The following PARP11 variants were observed in gnomAD, a reference collection of about 807,000 sequenced individuals.
The protein encoded by PARP11 is poly(ADP-ribose) polymerase family member 11, also known as protein mono-ADP-ribosyltransferase PARP11.
A neutral mutation model predicts 42.9 loss-of-function variants in PARP11; 31 were observed. That is an observed-to-expected ratio of 0.72 (90% confidence interval 0.54 to 0.98). The LOEUF is 0.98. Ranked by LOEUF, PARP11 falls within the 50% of genes least tolerant of loss-of-function variation. PARP11 has a pLI of 0.00. For synonymous variants in PARP11, 137 were observed against 127.3 expected, an observed-to-expected ratio of 1.08 and a Z score of -0.51; for missense variants, 365 against 413.1, an observed-to-expected ratio of 0.88 and a Z score of 1.01.
chr12:3,844,576 GA>G (rs1370956256), intron 1 of PARP11, among the ~76,000 whole-genome samples: 1 of 152,176 alleles, frequency 6.6e-6, no homozygotes, highest in Non-Finnish European at 1.5e-5. Flanking sequence ...CTCAGCTTCT[GA>G]AAATGTTTAA....
chr12:3,859,376 A>G (rs1319101761), intron 1 of PARP11, among the ~76,000 whole-genome samples: 2 of 151,934 alleles, frequency 1.3e-5, no homozygotes, highest in East Asian at 3.9e-4. Flanking sequence ...CAACTTGACC[A>G]ACACGGTGAA....
At chr12:3,826,570 T>A (rs963467705) in intron 3 of PARP11, among the ~76,000 whole-genome samples, 1 of 152,216 alleles carries the variant, frequency 6.6e-6, no homozygotes, top group Non-Finnish European at 1.5e-5. Context: ...TTAGGAAAGC[T>A]AAGAGTACTA....
intron 1 of PARP11, among the ~76,000 whole-genome samples, chr12:3,846,517 G>T (rs1948000450): frequency 6.6e-6 from 1 of 152,058 alleles, no homozygotes; most frequent in Non-Finnish European, 1.5e-5. Context: ...AGCACTTTGG[G>T]AGGCCAAGGT....
At chr12:3,856,335 C>T (rs1252812040) in intron 1 of PARP11, among the ~76,000 whole-genome samples, 1 of 152,108 alleles carries the variant, frequency 6.6e-6, no homozygotes, top group East Asian at 1.9e-4. Flanking sequence ...AACAGGCAAC[C>T]TACAGAATGG....
At chr12:3,833,098 T>C (rs2138052782) in intron 1 of PARP11, among the ~76,000 whole-genome samples, 1 of 152,376 alleles carries the variant, frequency 6.6e-6, no homozygotes, top group Admixed American at 6.5e-5. Flanking sequence ...TCAAGTTTTC[T>C]GATATAAATT....
At chr12:3,841,035 T>A in intron 1 of PARP11, 1 of 1,585,608 alleles carries the variant, frequency 6.3e-7, no homozygotes, top group Non-Finnish European at 8.7e-7. Context: ...TGACACAGAC[T>A]TTGACCCCTG....
chr12:3,819,070 G>T (rs1433218046), intron 6 of PARP11, among the ~76,000 whole-genome samples: 5 of 152,142 alleles, frequency 3.3e-5, no homozygotes, highest in African/African-American at 1.2e-4. Context: ...TATGTCAACT[G>T]CTGTATATCA....
rs766182881 is a variant in PARP11 at position 3,819,034 on chromosome 12, C to T, written c.548+2839G>A. On this transcript the variant is annotated intron_variant, in intron 6 of 7. Coordinates refer to ENST00000228820, the MANE Select transcript of PARP11 (RefSeq NM_020367.6). The stretch of plus-strand genomic sequence containing the variant: ...CTCCAAAACCTTTGTCTCTAGTCTA[C>T]ACCACTCTTCTCAACTCCTGACCCA... Among the ~76,000 whole-genome samples the T allele has an allele frequency of 7.4e-4, 112 of 152,226 alleles. 3 individuals are homozygous for T. The highest frequency in any genetic ancestry group is 5.4e-3 in the Admixed American group (82 of 15,284).
intron 1 of PARP11, among the ~76,000 whole-genome samples, chr12:3,833,103 T>A (rs1341607969): frequency 6.6e-6 from 1 of 152,254 alleles, no homozygotes; most frequent in Non-Finnish European, 1.5e-5. Flanking sequence ...TTTTCTGATA[T>A]AAATTTTAGT....
chr12:3,856,872 C>A (rs1344317572), intron 1 of PARP11, among the ~76,000 whole-genome samples: 2 of 152,160 alleles, frequency 1.3e-5, no homozygotes, highest in Admixed American at 1.3e-4. Context: ...AGACTTGGAA[C>A]CAACCCAAAT....
intron 1 of PARP11, 21 bp from the exon 2 acceptor site, chr12:3,830,039 G>T: frequency 6.2e-7 from 1 of 1,608,816 alleles, no homozygotes; most frequent in South Asian, 1.1e-5. Context: ...AGAAGGAGGT[G>T]GAGGAAGAAA....
intron 1 of PARP11, among the ~76,000 whole-genome samples, chr12:3,833,056 T>C (rs944237043): frequency 3.9e-5 from 6 of 152,216 alleles, no homozygotes; most frequent in African/African-American, 1.4e-4. Flanking sequence ...CTGGTCTATA[T>C]AAGGAAAATA....
intron 1 of PARP11, among the ~76,000 whole-genome samples, chr12:3,835,330 G>A (rs1311379289): frequency 6.6e-6 from 1 of 152,120 alleles, no homozygotes; most frequent in Non-Finnish European, 1.5e-5. Context: ...GCTACACACT[G>A]TGAGGAAAAT....
At chr12:3,859,544 A>G (rs961820457) in intron 1 of PARP11, among the ~76,000 whole-genome samples, 1 of 148,806 alleles carries the variant, frequency 6.7e-6, no homozygotes, top group African/African-American at 2.5e-5. Context: ...CCTGGGTGAC[A>G]GAGTGAGACT....
At chr12:3,831,249 C>T (rs1947632770) in intron 1 of PARP11, among the ~76,000 whole-genome samples, 1 of 152,024 alleles carries the variant, frequency 6.6e-6, no homozygotes, top group Non-Finnish European at 1.5e-5. Context: ...TTTCAGATCT[C>T]TCTCTCTCTC....
At chr12:3,870,538 T>G (rs1380610192) in intron 1 of PARP11, among the ~76,000 whole-genome samples, 1 of 152,172 alleles carries the variant, frequency 6.6e-6, no homozygotes, top group Non-Finnish European at 1.5e-5. Flanking sequence ...AACAGCAAAT[T>G]CTGATGTATG....
chr12:3,819,712 A>G (rs1040264551), intron 6 of PARP11, among the ~76,000 whole-genome samples: 7 of 152,152 alleles, frequency 4.6e-5, no homozygotes, highest in African/African-American at 1.4e-4. Context: ...TTTAGCTTAT[A>G]AGGCCCCACG....
At chr12:3,841,564 C>T in intron 1 of PARP11, 1 of 1,607,516 alleles carries the variant, frequency 6.2e-7, no homozygotes, top group Non-Finnish European at 8.5e-7. Flanking sequence ...GGTTATCCCT[C>T]CATCTCAGGT....
At chr12:3,821,843 G>C (rs1328019586) in intron 6 of PARP11, 30 bp downstream of exon 6, 2 of 1,586,724 alleles carry the variant, frequency 1.3e-6, no homozygotes, top group South Asian at 1.1e-5. Flanking sequence ...ATAGTGGAAA[G>C]GAGAAGTTTC....
Sources: gnomAD v4.1 joint callset for allele counts (sites outside exome capture counted in the v4.1 genomes callset) on GRCh38, gnomAD v4.1.1 for gene constraint, MANE v1.5 for transcripts, NCBI Gene and HGNC (gene_info 2026-07-23, HGNC 2026-07-21) for gene names.